The following DMXL1 variants were observed in gnomAD, a reference collection of about 807,000 sequenced individuals.
The protein encoded by DMXL1 is dmX-like protein 1.
A neutral mutation model predicts 319.2 loss-of-function variants in DMXL1; 99 were observed. The observed-to-expected ratio is 0.31, with a 90% CI of 0.26 to 0.37. The LOEUF (loss-of-function observed/expected upper bound fraction) is 0.37, where lower values mean the gene tolerates loss of function less well. DMXL1 is among the 10% of genes least tolerant of loss of function. DMXL1 has a pLI of 1.00. For synonymous variants in DMXL1, 1,385 were observed against 1,235.2 expected (o/e 1.12, Z -2.54); for missense variants, 3,745 against 3,595.6 (o/e 1.04, Z -1.06).
At chr5:119,199,689 C>T (rs1429480369) in intron 32 of DMXL1, among the ~76,000 whole-genome samples, 2 of 152,170 alleles carry the variant, frequency 1.3e-5, no homozygotes, top group South Asian at 2.1e-4. Context: ...ACTGACAGTG[C>T]GTAAGTGTTC....
intron 14 of DMXL1, 23 bp from the exon 15 acceptor site, chr5:119,144,513 C>G: frequency 2.7e-6 from 4 of 1,493,450 alleles, no homozygotes; most frequent in East Asian, 2.3e-5. Context: ...GGTCAACTTA[C>G]GTTGATATTT....
intron 42 of DMXL1, 88 bp from the exon 43 acceptor site, chr5:119,244,271 C>A: frequency 1.0e-6 from 1 of 981,338 alleles, no homozygotes; most frequent in Non-Finnish European, 1.5e-6. Context: ...GATTGCAAAT[C>A]TGGTCTATTA....
At chr5:119,090,461 T>A (rs926149163) in intron 1 of DMXL1, among the ~76,000 whole-genome samples, 1 of 152,146 alleles carries the variant, frequency 6.6e-6, no homozygotes, top group Non-Finnish European at 1.5e-5. Flanking sequence ...CTTGTTCAAA[T>A]CCCTCTTGAA....
chr5:119,117,784 TA>T (rs1372331066), intron 7 of DMXL1, among the ~76,000 whole-genome samples: 15 of 152,200 alleles, frequency 9.9e-5, no homozygotes, highest in African/African-American at 3.6e-4. Flanking sequence ...GAGCAACCAA[TA>T]CAAATTATGC....
At chr5:119,214,266 C>T (rs1201833436) in intron 34 of DMXL1, among the ~76,000 whole-genome samples, 1 of 152,132 alleles carries the variant, frequency 6.6e-6, no homozygotes, top group African/African-American at 2.4e-5. Context: ...TTTATTCACA[C>T]TATGATTACA....
At chr5:119,203,258 G>C in intron 32 of DMXL1, 61 bp from the exon 33 acceptor site, 2 of 1,081,136 alleles carry the variant, frequency 1.8e-6, no homozygotes, top group African/African-American at 1.6e-5. Context: ...CCAAGGAATT[G>C]TTATCAAGTT....
chr5:119,093,554 A>G (rs1755273330), intron 1 of DMXL1, among the ~76,000 whole-genome samples: 1 of 152,212 alleles, frequency 6.6e-6, no homozygotes, highest in Non-Finnish European at 1.5e-5. Context: ...ACACAATGAT[A>G]TAGAAATTAT....
intron 1 of DMXL1, among the ~76,000 whole-genome samples, chr5:119,076,522 C>T (rs1003699258): frequency 6.6e-6 from 1 of 152,018 alleles, no homozygotes; most frequent in Non-Finnish European, 1.5e-5. Context: ...TAAAATATTG[C>T]AAGTACTAAA....
At chr5:119,176,386 A>G (rs1775799713) in intron 26 of DMXL1, among the ~76,000 whole-genome samples, 2 of 151,428 alleles carry the variant, frequency 1.3e-5, no homozygotes, top group African/African-American at 4.8e-5. Context: ...CTTACTTACC[A>G]CTCTGGTTGT....
In DMXL1 at chr5:119,193,838, C is replaced by G; in HGVS notation, c.7325C>G (p.Pro2442Arg). Residue 2442 changes from proline (P) to arginine (R), a missense_variant, in exon 30 of 44, where the codon CCC (proline) becomes CGC (arginine). By Grantham distance (103) the Pro-to-Arg change is moderately radical. Around this residue, in one of 4 missense-constraint regions of DMXL1, gnomAD observed 1,382 missense variants for 1,269.5 expected, o/e 1.09. Coordinates refer to ENST00000539542, the MANE Select transcript of DMXL1 (RefSeq NM_001290321.3). Reference protein sequence around the residue: ...WDYFIAKPFLPSSQSRAEYDS... With the variant: ...WDYFIAKPFLRSSQSRAEYDS... ...ATTTCTTTATTTTAGCCTTTTCTACCCTCTTCTCAAAGTAGAGCCGAATAT... is the reference window on the plus strand; with the variant it reads ...ATTTCTTTATTTTAGCCTTTTCTACGCTCTTCTCAAAGTAGAGCCGAATAT... 1 of 1,611,716 alleles carries G rather than the reference C, an allele frequency of 6.2e-7. No individual in the cohort carries two copies. Among genetic ancestry groups the G allele is most frequent in the Non-Finnish European group, 8.5e-7 (1 of 1,179,256 alleles).
chr5:119,111,178 T>C (rs1475859846), intron 5 of DMXL1, among the ~76,000 whole-genome samples: 1 of 150,778 alleles, frequency 6.6e-6, no homozygotes. Context: ...CCAAAACAAA[T>C]GTGAGATGGA....
chr5:119,212,221 C>T (rs947889398), intron 34 of DMXL1, among the ~76,000 whole-genome samples: 1 of 152,100 alleles, frequency 6.6e-6, no homozygotes, highest in South Asian at 2.1e-4. Context: ...ATTCCTCTGG[C>T]GCCCACTCCA....
chr5:119,215,872 AATCACCT>A, intron 34 of DMXL1, among the ~76,000 whole-genome samples: 1 of 151,998 alleles, frequency 6.6e-6, no homozygotes, highest in African/African-American at 2.4e-5. Context: ...AAGGTGGCCA[AATCACCT>A]GAAGTCTGGA....
intron 1 of DMXL1, chr5:119,081,671 C>G (rs1752218436): frequency 1.0e-6 from 1 of 985,236 alleles, no homozygotes; most frequent in African/African-American, 1.7e-5. Flanking sequence ...TGAAGACCAA[C>G]TTAGACTTTA....
At position 119,144,650 on chromosome 5, in the gene DMXL1, T is replaced by C; in HGVS notation, c.2569+12T>C. 2 of 1,512,618 alleles carry C rather than the reference T, an allele frequency of 1.3e-6. No homozygotes were observed. The highest frequency in any genetic ancestry group is 1.8e-6 in the Non-Finnish European group (2 of 1,106,392). 93.7% of individuals were successfully genotyped at this position (1,512,618 alleles called of 1,614,324 possible). A position where few individuals can be genotyped will look rare whatever the true frequency, so the allele number is the denominator to read the frequency against. ...TTTATCTAATGCAGGTAAGGAAGAA[T>C]TATTTATGGAATGAGAAATACTATG... On this transcript the variant is annotated intron_variant, in intron 15 of 43. Transcript: ENST00000539542.
intron 4 of DMXL1, among the ~76,000 whole-genome samples, chr5:119,109,918 G>A (rs976176045): frequency 4.6e-5 from 7 of 152,126 alleles, no homozygotes; most frequent in African/African-American, 1.4e-4. Flanking sequence ...CACAGTGCCC[G>A]GGACAAAGAA....
At chr5:119,244,724 A>C in intron 43 of DMXL1, 148 bp downstream of exon 43, 1 of 549,156 alleles carries the variant, frequency 1.8e-6, no homozygotes, top group Non-Finnish European at 3.1e-6. Flanking sequence ...TAATCTTTCA[A>C]TGAATGGAAT....
At chr5:119,113,444 T>C (rs1014464870) in intron 5 of DMXL1, among the ~76,000 whole-genome samples, 1 of 152,196 alleles carries the variant, frequency 6.6e-6, no homozygotes. Flanking sequence ...GGTTTCATCA[T>C]GTTGGCCAGG....
rs981335252 is a variant in DMXL1, at chr5:119,109,948, T to C, written c.365-203T>C. Among the ~76,000 whole-genome samples, 5 of 152,318 alleles carry C rather than the reference T, an allele frequency of 3.3e-5. No individual in the cohort carries two copies. The East Asian group carries it at 7.7e-4, about 24-fold the overall frequency. On this transcript the variant is annotated intron_variant, in intron 4 of 43. Coordinates refer to ENST00000539542, the MANE Select transcript of DMXL1 (RefSeq NM_001290321.3). ...AAAGAAGATGCTCATTAAATACTTGTTAAGTGAGAGATTATAAGATTTCTT... is the reference window on the plus strand; with the variant it reads ...AAAGAAGATGCTCATTAAATACTTGCTAAGTGAGAGATTATAAGATTTCTT...
Sources: gnomAD v4.1 joint callset for allele counts (sites outside exome capture counted in the v4.1 genomes callset) on GRCh38, gnomAD v4.1.1 for gene constraint, gnomAD v4.1.1 regional missense constraint, MANE v1.5 for transcripts, NCBI Gene and HGNC (gene_info 2026-07-23, HGNC 2026-07-21) for gene names.